Variants in FNBP1L observed in about 807,000 individuals in gnomAD.
FNBP1L encodes formin-binding protein 1-like.
A neutral mutation model predicts 91.2 loss-of-function variants in FNBP1L; 36 were observed. The observed-to-expected ratio is 0.39, with a 90% CI of 0.30 to 0.52. FNBP1L has a LOEUF of 0.52. Ranked by LOEUF, FNBP1L falls within the 20% of genes least tolerant of loss-of-function variation. The pLI is 0.66. For synonymous variants in FNBP1L, 242 were observed against 237.0 expected, an observed-to-expected ratio of 1.02 and a Z score of -0.19; for missense variants, 571 against 732.1, an observed-to-expected ratio of 0.78 and a Z score of 2.54.
chr1:93,490,638 T>C (rs1317169734), intron 1 of FNBP1L, among the ~76,000 whole-genome samples: 1 of 152,332 alleles, frequency 6.6e-6, no homozygotes, highest in Middle Eastern at 3.4e-3. Context: ...TTCCAGGTTC[T>C]ATCTGGAATA....
intron 5 of FNBP1L, among the ~76,000 whole-genome samples, chr1:93,529,207 A>T (rs115183719): frequency 0.021 from 3,204 of 152,192 alleles, 113 homozygotes; most frequent in African/African-American, 0.073. Context: ...TATTTTTTAT[A>T]AAAAAATTAT....
rs914644134 is a variant in FNBP1L at position 93,532,448 on chromosome 1, C to T, written c.640-474C>T. Among the ~76,000 whole-genome samples the T allele has an allele frequency of 4.7e-5, 6 of 127,960 alleles. No individual in the cohort carries two copies. In the South Asian group the frequency reaches 7.7e-4, roughly 16 times the overall value. The allele number at this position is 127,960 out of a possible 152,430, so 83.9% of individuals were successfully genotyped here. On this transcript the variant is annotated intron_variant, in intron 7 of 16. Coordinates refer to ENST00000271234, the MANE Select transcript of FNBP1L (RefSeq NM_001164473.3). ...CGCAACTGCACTCCATCCAGCCTGG[C>T]GACAGAGCGAGACTCCGCCTCAAAA...
chr1:93,536,603 A>G (rs1202483979), intron 10 of FNBP1L, 113 bp downstream of exon 10: 16 of 953,510 alleles, frequency 1.7e-5, no homozygotes, highest in Middle Eastern at 6.1e-4. Flanking sequence ...CAGTTTAAAA[A>G]CACCACAGAA....
At position 93,520,457 on chromosome 1, in the gene FNBP1L, T is replaced by C. The variant is rs561772716; in HGVS notation, c.141-1625T>C. 2.0e-5 allele frequency among the ~76,000 whole-genome samples: 3 copies of C among 152,284 alleles called. No homozygotes were observed. In the South Asian group the frequency reaches 6.2e-4, roughly 32 times the overall value. ...GCTTTTGTAAACAATAAAAATTAAA[T>C]ACTAGAAACATGACATAAAAGAGAC... On this transcript the variant is annotated intron_variant, in intron 2 of 16. Transcript: ENST00000271234.
At chr1:93,501,394 G>A (rs369480513) in intron 2 of FNBP1L, among the ~76,000 whole-genome samples, 1 of 152,102 alleles carries the variant, frequency 6.6e-6, no homozygotes, top group African/African-American at 2.4e-5. Context: ...GCATGCCCCC[G>A]GCTTCTGGCA....
chr1:93,448,312 C>A lies in FNBP1L; in HGVS notation c.24+7C>A. Reference sequence around the variant, plus strand: ...CTGGGGCACGGAGCTGTGGGTGAGTCGGGGAGAGGGGCGCCCCGCACGGAC... The same window carrying A: ...CTGGGGCACGGAGCTGTGGGTGAGTAGGGGAGAGGGGCGCCCCGCACGGAC... On this transcript the variant is annotated splice_region_variant and intron_variant, in intron 1 of 16. Transcript: ENST00000271234. The A allele has an allele frequency of 1.3e-6, 2 of 1,509,204 alleles. No homozygotes were observed. The highest frequency in any genetic ancestry group is 1.5e-5 in the African/African-American group (1 of 68,740). 93.5% of individuals were successfully genotyped at this position (1,509,204 alleles called of 1,614,324 possible).
rs1672512236 is a variant in FNBP1L at position 93,554,476 on chromosome 1, T to TG, written c.*2061dup. 1 of 152,674 alleles carries TG rather than the reference T, an allele frequency of 6.5e-6. No homozygotes were observed. Among genetic ancestry groups the TG allele is most frequent in the Admixed American group, 6.5e-5 (1 of 15,286 alleles). 9.5% of individuals were successfully genotyped at this position (152,674 alleles called of 1,614,324 possible). ...TTATAATAGGAAAGACATTTGTACT[T>TG]GCACAGTTTAAATCATTCTTAAATT... On this transcript the variant is annotated 3_prime_UTR_variant, in exon 17 of 17. Transcript: ENST00000271234.
chr1:93,518,672 A>ATGCAAC (rs1230262387), intron 2 of FNBP1L, among the ~76,000 whole-genome samples: 2 of 152,226 alleles, frequency 1.3e-5, no homozygotes, highest in African/African-American at 4.8e-5. Flanking sequence ...TGGACTGCCT[A>ATGCAAC]TGCAACTGCC....
chr1:93,516,233 C>T (rs183819078), intron 2 of FNBP1L, among the ~76,000 whole-genome samples: 370 of 152,200 alleles, frequency 2.4e-3, no homozygotes, highest in Non-Finnish European at 4.0e-3. Context: ...GACACTGTGG[C>T]TGGCAGTATC....
chr1:93,491,923 A>G (rs1343257047), intron 1 of FNBP1L, among the ~76,000 whole-genome samples: 1 of 152,210 alleles, frequency 6.6e-6, no homozygotes, highest in Non-Finnish European at 1.5e-5. Context: ...AAAAAATGGT[A>G]TCTAAATAAT....
At chr1:93,456,646 G>C (rs1668674634) in intron 1 of FNBP1L, among the ~76,000 whole-genome samples, 1 of 150,704 alleles carries the variant, frequency 6.6e-6, no homozygotes, top group Admixed American at 6.6e-5. Flanking sequence ...TGGGCGTGGT[G>C]GTGGGCACCT....
At chr1:93,477,333 A>G (rs1669531691) in intron 1 of FNBP1L, among the ~76,000 whole-genome samples, 1 of 152,236 alleles carries the variant, frequency 6.6e-6, no homozygotes, top group Admixed American at 6.5e-5. Flanking sequence ...ATAATATGGC[A>G]GTGTGCTGTC....
intron 1 of FNBP1L, among the ~76,000 whole-genome samples, chr1:93,449,454 T>C (rs1026490809): frequency 6.6e-6 from 1 of 152,218 alleles, no homozygotes; most frequent in African/African-American, 2.4e-5. Context: ...GAAATAACTT[T>C]TGAGTATGTG....
chr1:93,503,137 G>A (rs917501346), intron 2 of FNBP1L, among the ~76,000 whole-genome samples: 1 of 152,074 alleles, frequency 6.6e-6, no homozygotes, highest in Admixed American at 6.6e-5. Context: ...ACCTGAGACT[G>A]GGTAATTTAT....
intron 10 of FNBP1L, among the ~76,000 whole-genome samples, chr1:93,539,342 G>GAAAA (rs1671949439): frequency 6.6e-6 from 1 of 151,710 alleles, no homozygotes; most frequent in South Asian, 2.1e-4. Flanking sequence ...TAGTTTATGA[G>GAAAA]TATATAATTG....
At chr1:93,501,977 C>T (rs1439688622) in intron 2 of FNBP1L, among the ~76,000 whole-genome samples, 1 of 151,558 alleles carries the variant, frequency 6.6e-6, no homozygotes, top group Non-Finnish European at 1.5e-5. Flanking sequence ...TGTAAAAGTG[C>T]CTGTCAGTAG....
chr1:93,495,105 G>C (rs1670219432), intron 1 of FNBP1L, among the ~76,000 whole-genome samples: 1 of 152,156 alleles, frequency 6.6e-6, no homozygotes, highest in Non-Finnish European at 1.5e-5. Flanking sequence ...GGTGAAAATA[G>C]TGATATGTGT....
At chr1:93,481,113 A>G (rs1415221005) in intron 1 of FNBP1L, among the ~76,000 whole-genome samples, 2 of 152,222 alleles carry the variant, frequency 1.3e-5, no homozygotes, top group African/African-American at 4.8e-5. Context: ...ACCAATCAGC[A>G]GTTGAAACTT....
chr1:93,460,229 G>A (rs1326986041), intron 1 of FNBP1L, among the ~76,000 whole-genome samples: 1 of 152,118 alleles, frequency 6.6e-6, no homozygotes, highest in Non-Finnish European at 1.5e-5. Context: ...CCTTATAAAA[G>A]GACTTGAAGG....
Sources: allele counts gnomAD v4.1 joint callset (sites outside exome capture counted in the v4.1 genomes callset), GRCh38; gene constraint gnomAD v4.1.1; transcripts MANE v1.5; gene names NCBI Gene and HGNC (gene_info 2026-07-23, HGNC 2026-07-21).